ELFN1: variants seen among roughly 807,000 people sequenced by gnomAD.
The protein encoded by ELFN1 is extracellular leucine rich repeat and fibronectin type III domain containing 1.
ELFN1 carries 6 observed loss-of-function variants against 7.6 expected under a neutral mutation model. The ratio of observed to expected loss-of-function variants is 0.79; its 90% CI spans 0.43 to 1.56. The LOEUF (loss-of-function observed/expected upper bound fraction) is 1.56. ELFN1 is among the 40% of genes most tolerant of loss of function. ELFN1 has a pLI of 0.01. For missense variants in ELFN1, 1,169 were observed against 1,232.2 expected, an observed-to-expected ratio of 0.95 and a Z score of 0.77; for synonymous variants, 657 against 588.1, an observed-to-expected ratio of 1.12 and a Z score of -1.70.
intron 3 of ELFN1, chr7:1,738,514 G>C (rs1780515297): frequency 6.6e-6 from 1 of 152,376 alleles, no homozygotes; most frequent in Admixed American, 6.5e-5. Flanking sequence ...GAGGCAGGAG[G>C]ATGGCTTGAG....
rs921195385 is a variant in ELFN1 at position 1,735,035 on chromosome 7, C to T, written c.-293-9269C>T. Among the ~76,000 whole-genome samples, 2 of 152,130 alleles carry T rather than the reference C, an allele frequency of 1.3e-5. No homozygotes were observed. The highest frequency in any genetic ancestry group is 6.5e-5 in the Admixed American group (1 of 15,286). ...TTAAGTAGCAGTGGAGTGCTGTTGC[C>T]GCCTTCCTGGGCCTTGCCGTGGGGG... On this transcript the variant is annotated intron_variant, in intron 3 of 3. Coordinates refer to ENST00000424383, the MANE Select transcript of ELFN1 (RefSeq NM_001128636.4). The surrounding 1 kb of genome is among the most constrained non-coding windows in gnomAD (Gnocchi z 5.9).
rs1036044280 is a variant in ELFN1 at position 1,705,858 on chromosome 7, G to C, written c.-455-3233G>C. On this transcript the variant is annotated intron_variant, in intron 2 of 3. Coordinates refer to ENST00000424383, the MANE Select transcript of ELFN1 (RefSeq NM_001128636.4). The surrounding 1 kb of genome is among the most constrained non-coding windows in gnomAD (Gnocchi z 4.3). ...AACTGCCTGTGTATTTTCCAGGGTGGGTTCTTAGCTTTGACCCCTCCAGCC... is the reference window on the plus strand; with the variant it reads ...AACTGCCTGTGTATTTTCCAGGGTGCGTTCTTAGCTTTGACCCCTCCAGCC... Among the ~76,000 whole-genome samples, 2 of 152,176 alleles carry C rather than the reference G, an allele frequency of 1.3e-5. No homozygotes were observed. The highest frequency in any genetic ancestry group is 4.8e-5 in the African/African-American group (2 of 41,442).
At position 1,673,995 on chromosome 7, in the gene ELFN1, C is replaced by T. The variant is rs902043176; in HGVS notation, c.-549+3641C>T. ...GGGGAGGCAGAGAGGACGACTACTC[C>T]GCTCCCTGCTCCAGGCCACGGGGGT... On this transcript the variant is annotated intron_variant, in intron 1 of 3. Coordinates refer to ENST00000424383, the MANE Select transcript of ELFN1 (RefSeq NM_001128636.4). The surrounding 1 kb of genome is among the most constrained non-coding windows in gnomAD (Gnocchi z 4.7). Among the ~76,000 whole-genome samples the T allele has an allele frequency of 3.9e-5, 6 of 152,098 alleles. No individual in the cohort carries two copies. Among genetic ancestry groups the T allele is most frequent in the Non-Finnish European group, 8.8e-5 (6 of 68,020 alleles).
At chr7:1,743,733 G>C (rs893463613) in intron 3 of ELFN1, among the ~76,000 whole-genome samples, 1 of 152,210 alleles carries the variant, frequency 6.6e-6, no homozygotes, top group Non-Finnish European at 1.5e-5. Context: ...CCTGCGGTGA[G>C]TGCGCAGGGT....
chr7:1,688,031 ATTTTTTTTTTTTT>A lies in ELFN1; in HGVS notation c.-548-17_-548-5del, dbSNP rs35887249. 1 of 130,584 alleles carries A rather than the reference ATTTTTTTTTTTTT, an allele frequency of 7.7e-6. No individual in the cohort carries two copies. Among genetic ancestry groups the A allele is most frequent in the African/African-American group, 2.9e-5 (1 of 34,026 alleles). 8.1% of individuals were successfully genotyped at this position (130,584 alleles called of 1,614,324 possible). ...AGGCACATGCCACCATGCCTGGCTAATTTTTTTTTTTTTTTTTTTTTTGTAGAGACAGAGTCTC... is the reference window on the plus strand; with the variant it reads ...AGGCACATGCCACCATGCCTGGCTAATTTTTTTTTGTAGAGACAGAGTCTC... On this transcript the variant is annotated splice_polypyrimidine_tract_variant and intron_variant, in intron 1 of 3. Transcript: ENST00000424383.
chr7:1,710,496 A>C (rs1168674353), intron 3 of ELFN1, among the ~76,000 whole-genome samples: 1 of 152,220 alleles, frequency 6.6e-6, no homozygotes, highest in Non-Finnish European at 1.5e-5. Context: ...AGGACTTGGT[A>C]GGGAGGGGTT....
chr7:1,666,389 C>G (rs575712959), upstream of ELFN1, among the ~76,000 whole-genome samples: 28 of 152,074 alleles, frequency 1.8e-4, no homozygotes, highest in African/African-American at 5.8e-4. This position sits in a 1 kb window ranked among gnomAD's most constrained non-coding sequence, Gnocchi z 7.9. Context: ...GGCCGAGTCT[C>G]CCCGCCCGCG....
At position 1,680,722 on chromosome 7, in the gene ELFN1, C is replaced by G. The variant is rs532509494; in HGVS notation, c.-548-7336C>G. 2.6e-5 allele frequency among the ~76,000 whole-genome samples: 4 copies of G among 151,434 alleles called. No individual in the cohort carries two copies. The East Asian group carries it at 7.8e-4, about 29-fold the overall frequency. On this transcript the variant is annotated intron_variant, in intron 1 of 3. Transcript: ENST00000424383. ...CCCCAGGCACTGATCTGCACCCTGT[C>G]TCTGTGGATTTACAATTTTTTTTTT...
At chr7:1,729,553 C>T (rs540861365) in intron 3 of ELFN1, among the ~76,000 whole-genome samples, 5 of 152,340 alleles carry the variant, frequency 3.3e-5, no homozygotes, top group South Asian at 4.1e-4. Context: ...GCAGGGTGGC[C>T]GGCCTAGCTA....
chr7:1,682,525 C>G (rs909293190), intron 1 of ELFN1, among the ~76,000 whole-genome samples: 1 of 152,052 alleles, frequency 6.6e-6, no homozygotes, highest in Non-Finnish European at 1.5e-5. Context: ...ACTGAAGCCT[C>G]GAATTCCTGG....
rs549599460 is a variant in ELFN1 at position 1,735,423 on chromosome 7, G to A, written c.-293-8881G>A. 3.7e-4 allele frequency among the ~76,000 whole-genome samples: 57 copies of A among 152,106 alleles called. No individual in the cohort carries two copies. Among genetic ancestry groups the A allele is most frequent in the African/African-American group, 1.0e-3 (42 of 41,514 alleles). ...CGTGGTGCAGGCAGCAGTCCCCTCC[G>A]TTCTACTCCCCAGCCCGGCCTCCTG... On this transcript the variant is annotated intron_variant, in intron 3 of 3. Transcript: ENST00000424383. The surrounding 1 kb of genome is among the most constrained non-coding windows in gnomAD (Gnocchi z 5.9).
chr7:1,690,984 T>G (rs1779150398), intron 2 of ELFN1, among the ~76,000 whole-genome samples: 1 of 152,156 alleles, frequency 6.6e-6, no homozygotes, highest in Non-Finnish European at 1.5e-5. Flanking sequence ...CTACAGGGAC[T>G]GGAAAAATAC....
upstream of ELFN1, among the ~76,000 whole-genome samples, chr7:1,666,067 G>C (rs982972253): frequency 6.6e-6 from 1 of 151,440 alleles, no homozygotes; most frequent in African/African-American, 2.4e-5. This position sits in a 1 kb window ranked among gnomAD's most constrained non-coding sequence, Gnocchi z 7.9. Context: ...GAGGAGGAAG[G>C]AGGGGAAGCC....
intron 3 of ELFN1, among the ~76,000 whole-genome samples, chr7:1,710,244 A>C (rs1197254568): frequency 6.6e-6 from 1 of 152,168 alleles, no homozygotes; most frequent in Admixed American, 6.5e-5. Flanking sequence ...GCATCTGGGA[A>C]TTTTCGGGTT....
At position 1,746,671 on chromosome 7, in the gene ELFN1, C is replaced by T; in HGVS notation, c.2075C>T (p.Ala692Val). ...TVTPAAAVLRAEAEKGRQYGE... is the reference protein window; with the variant it reads ...TVTPAAAVLRVEAEKGRQYGE... The stretch of plus-strand genomic sequence containing the variant: ...ACACCCGCGGCCGCCGTGCTGCGGG[C>T]CGAGGCCGAGAAGGGTCGCCAGTAC... Residue 692 changes from alanine (A) to valine (V), a missense_variant, in exon 4 of 4, where the codon GCC becomes GTC. By Grantham distance (64) the Ala-to-Val change is moderately conservative (BLOSUM62 0). Around this residue, in one of 2 missense-constraint regions of ELFN1, gnomAD observed 914 missense variants for 872.6 expected, o/e 1.05. Transcript: ENST00000424383. 1 of 1,394,418 alleles carries T rather than the reference C, an allele frequency of 7.2e-7. No individual in the cohort carries two copies. The highest frequency in any genetic ancestry group is 9.3e-7 in the Non-Finnish European group (1 of 1,080,866). 86.4% of individuals were successfully genotyped at this position (1,394,418 alleles called of 1,614,324 possible). A position where few individuals can be genotyped will look rare whatever the true frequency, so the allele number is the denominator to read the frequency against.
intron 3 of ELFN1, among the ~76,000 whole-genome samples, chr7:1,733,446 G>A (rs558901577): frequency 4.6e-5 from 7 of 152,224 alleles, no homozygotes; most frequent in Admixed American, 3.9e-4. Flanking sequence ...CTGGGCGGTA[G>A]GACAGTAATT....
intron 3 of ELFN1, among the ~76,000 whole-genome samples, chr7:1,734,753 A>G (rs1224713448): frequency 1.3e-5 from 2 of 151,386 alleles, no homozygotes; most frequent in Non-Finnish European, 2.9e-5. Flanking sequence ...GCTGGAACAC[A>G]GTGGCACAGT....
At chr7:1,699,003 T>C (rs1333020597) in intron 2 of ELFN1, among the ~76,000 whole-genome samples, 1 of 152,230 alleles carries the variant, frequency 6.6e-6, no homozygotes, top group Non-Finnish European at 1.5e-5. Context: ...AGCTGAATTT[T>C]GCCTGTGTTT....
intron 2 of ELFN1, among the ~76,000 whole-genome samples, chr7:1,703,980 T>C (rs542403883): frequency 5.6e-4 from 86 of 152,376 alleles, no homozygotes; most frequent in Middle Eastern, 3.4e-3. Flanking sequence ...CCGGCTCTTC[T>C]GTGTGACCTT....
Sources: gnomAD v4.1 joint callset for allele counts (sites outside exome capture counted in the v4.1 genomes callset) on GRCh38, gnomAD v4.1.1 for gene constraint, gnomAD v4.1.1 regional missense constraint, Gnocchi (gnomAD v3.1) non-coding constraint, MANE v1.5 for transcripts, NCBI Gene and HGNC (gene_info 2026-07-23, HGNC 2026-07-21) for gene names.